Variants in DNA2 observed in about 807,000 individuals in gnomAD.
DNA2 encodes DNA replication ATP-dependent helicase/nuclease DNA2.
Under a neutral mutation model 119.1 loss-of-function variants are expected in DNA2, and 101 were observed. That is an observed-to-expected ratio of 0.85 (90% CI 0.72 to 1.00). DNA2 has a LOEUF of 1.00. DNA2 is among the 50% of genes least tolerant of loss of function. The probability of loss-of-function intolerance (pLI) is 0.00; values close to 1 mark genes in which losing one functional copy is unlikely to be tolerated. For missense variants in DNA2, 1,121 were observed against 1,255.5 expected (o/e 0.89, Z 1.62); for synonymous variants, 366 against 424.4 (o/e 0.86, Z 1.69).
At chr10:68,429,847 C>G (rs1290378933) in intron 14 of DNA2, among the ~76,000 whole-genome samples, 1 of 149,796 alleles carries the variant, frequency 6.7e-6, no homozygotes, top group East Asian at 1.9e-4. Context: ...TATTAAGTAC[C>G]ATTGTTTCTA....
chr10:68,418,821 T>C (rs1174186545), intron 19 of DNA2, among the ~76,000 whole-genome samples: 1 of 151,692 alleles, frequency 6.6e-6, no homozygotes, highest in African/African-American at 2.4e-5. Flanking sequence ...TACAGGCGCC[T>C]GCCACCACGC....
intron 6 of DNA2, among the ~76,000 whole-genome samples, chr10:68,448,734 A>G (rs2052073930): frequency 6.6e-6 from 1 of 152,200 alleles, no homozygotes; most frequent in Non-Finnish European, 1.5e-5. Context: ...CTCAATGGAA[A>G]AAGATCTTGG....
Position 68,432,480 on chromosome 10 carries a change from CAA to C in DNA2, c.1675_1676del (p.Leu559ValfsTer11). ...TTTTTTCTTCTTGGTCTAATCTGAA[CAA>C]AGTTGATTCTGGAAGGACCGACAAG... is the stretch of plus-strand genomic sequence containing the variant. The part of the protein sequence containing the change: ...RNLSVLPEST[L>X]FRLDQEEKNC... On this transcript the variant is annotated frameshift_variant, in exon 11 of 21. Coordinates refer to ENST00000358410, the MANE Select transcript of DNA2 (RefSeq NM_001080449.3). LOFTEE classifies it high-confidence loss of function. The C allele has an allele frequency of 6.4e-7, 1 of 1,572,100 alleles. No homozygotes were observed. The highest frequency in any genetic ancestry group is 8.6e-7 in the Non-Finnish European group (1 of 1,158,898).
chr10:68,443,089 A>G lies in DNA2; in HGVS notation c.1243T>C (p.Cys415Arg). 2 of 1,574,162 alleles carry G rather than the reference A, an allele frequency of 1.3e-6. No homozygotes were observed. Among genetic ancestry groups the G allele is most frequent in the Non-Finnish European group, 1.7e-6 (2 of 1,158,686 alleles). The part of the protein sequence containing the change: ...YSRAVEQQMD[C>R]SSVPIVMLPK... ...AGCATCACAATTGGGACTGAACTAC[A>G]ATCCATCTGTTGTTCAACTGCTCTA... Residue 415 changes from cysteine to arginine, a missense_variant, in exon 9 of 21, where the codon TGT becomes CGT. Transcript: ENST00000358410.
intron 8 of DNA2, among the ~76,000 whole-genome samples, chr10:68,444,453 G>A (rs1002205478): frequency 1.3e-5 from 2 of 151,258 alleles, no homozygotes; most frequent in East Asian, 1.9e-4. Flanking sequence ...AGCTGGGCGC[G>A]GTGGCTCACG....
chr10:68,465,644 C>T (rs565235971), intron 4 of DNA2, 23 bp downstream of exon 4: 3 of 1,521,358 alleles, frequency 2.0e-6, no homozygotes, highest in Non-Finnish European at 2.7e-6. Flanking sequence ...ATTATACCTG[C>T]AGTTCTTCTT....
Position 68,471,954 on chromosome 10 carries a change from C to T in DNA2, c.-90G>A. On this transcript the variant is annotated 5_prime_UTR_variant, in exon 1 of 21. Transcript: ENST00000358410. ...CTTAGAAAAGGGAAAAAGGCGCGAG[C>T]CTGCGCACCTCGCGCGCATGCGCCA... The T allele has an allele frequency of 1.2e-6, 2 of 1,612,766 alleles. No homozygotes were observed. The highest frequency in any genetic ancestry group is 3.3e-4 in the Middle Eastern group (2 of 6,048).
At chr10:68,460,711 C>T (rs1319511882) in intron 4 of DNA2, among the ~76,000 whole-genome samples, 3 of 151,950 alleles carry the variant, frequency 2.0e-5, no homozygotes, top group Non-Finnish European at 2.9e-5. Flanking sequence ...CCTGGCCTAA[C>T]ACGGTAATTT....
chr10:68,472,056 G>GAGC (rs1174810018), upstream of DNA2: 1 of 1,597,712 alleles, frequency 6.3e-7, no homozygotes. Context: ...CCCCTCACCT[G>GAGC]AGCAGCAGGG....
chr10:68,423,654 C>T (rs2051695869), intron 14 of DNA2, among the ~76,000 whole-genome samples: 1 of 152,220 alleles, frequency 6.6e-6, no homozygotes, highest in African/African-American at 2.4e-5. Flanking sequence ...GTGCCCCACA[C>T]CCCACCAGGC....
chr10:68,428,485 G>A (rs2051772947), intron 14 of DNA2, among the ~76,000 whole-genome samples: 1 of 151,734 alleles, frequency 6.6e-6, no homozygotes, highest in African/African-American at 2.4e-5. Flanking sequence ...TTATCCCAGG[G>A]AAATGAAGAC....
In DNA2 at chr10:68,443,077, G is replaced by C. The variant is rs1297442608; in HGVS notation, c.1255C>G (p.Pro419Ala). The C allele has an allele frequency of 6.3e-7, 1 of 1,580,636 alleles. No individual in the cohort carries two copies. Among genetic ancestry groups the C allele is most frequent in the Admixed American group, 1.9e-5 (1 of 53,798 alleles). ...VEQQMDCSSV[P>A]IVMLPKIEEE... ...TCTATTTTGGGCAGCATCACAATTG[G>C]GACTGAACTACAATCCATCTGTTGT... is the stretch of plus-strand genomic sequence containing the variant. Residue 419 changes from proline (P) to alanine (A), a missense_variant, in exon 9 of 21, where the codon CCA (proline) becomes GCA (alanine). Physicochemically the swap from Pro to Ala is conservative, Grantham distance 27. Coordinates refer to ENST00000358410, the MANE Select transcript of DNA2 (RefSeq NM_001080449.3).
chr10:68,428,504 C>A (rs760632339), intron 14 of DNA2, among the ~76,000 whole-genome samples: 1 of 151,944 alleles, frequency 6.6e-6, no homozygotes, highest in Non-Finnish European at 1.5e-5. Context: ...ACTTATGTTA[C>A]GCAAAAACCT....
In DNA2 at chr10:68,471,973, T is replaced by A. The variant is rs2052388364; in HGVS notation, c.-109A>T. 3 of 1,612,036 alleles carry A rather than the reference T, an allele frequency of 1.9e-6. No individual in the cohort carries two copies. Among genetic ancestry groups the A allele is most frequent in the Non-Finnish European group, 2.5e-6 (3 of 1,178,632 alleles). On this transcript the variant is annotated 5_prime_UTR_variant, in exon 1 of 21. It removes an upstream start codon present in the reference 5' UTR. Coordinates refer to ENST00000358410, the MANE Select transcript of DNA2 (RefSeq NM_001080449.3). The stretch of plus-strand genomic sequence containing the variant: ...CGCGAGCCTGCGCACCTCGCGCGCA[T>A]GCGCCAACCCGCAGATGTCCCAAAT...
Position 68,415,015 on chromosome 10 carries a change from T to C in DNA2, c.*24A>G. 6.6e-7 allele frequency: 1 copy of C among 1,526,124 alleles called. No homozygotes were observed. 94.5% of individuals were successfully genotyped at this position (1,526,124 alleles called of 1,614,324 possible). A position where few individuals can be genotyped will look rare whatever the true frequency, so the allele number is the denominator to read the frequency against. On this transcript the variant is annotated 3_prime_UTR_variant, in exon 21 of 21. Coordinates refer to ENST00000358410, the MANE Select transcript of DNA2 (RefSeq NM_001080449.3). Reference sequence around the variant, plus strand: ...AGCTAGAGGAGATACTGCCCTAGTATGAAAAGGCAAGGGAAATAGTGTTTT... The same window carrying C: ...AGCTAGAGGAGATACTGCCCTAGTACGAAAAGGCAAGGGAAATAGTGTTTT...
chr10:68,442,724 T>C (rs530391778), intron 9 of DNA2, among the ~76,000 whole-genome samples, 193 bp downstream of exon 9: 1 of 152,248 alleles, frequency 6.6e-6, no homozygotes, highest in Non-Finnish European at 1.5e-5. Context: ...CTAGCAATGA[T>C]TGCAGCACAT....
At chr10:68,427,878 A>T (rs928408466) in intron 14 of DNA2, among the ~76,000 whole-genome samples, 3 of 151,832 alleles carry the variant, frequency 2.0e-5, no homozygotes, top group African/African-American at 7.3e-5. Flanking sequence ...CTAAAAATAT[A>T]AAAAATTAGC....
rs377490625 is a variant in DNA2, at chr10:68,416,004, CCTCT to C, written c.3114+701_3114+704del. Among the ~76,000 whole-genome samples the C allele has an allele frequency of 6.7e-4, 102 of 152,176 alleles. 3 individuals carry two copies. In the East Asian group the frequency reaches 0.01, roughly 16 times the overall value. ...TAAGGCCAGGTGCAGTGGCTCACCTCCTCTCTATTAAAAATTTTAAAAAATTAGC... is the reference window on the plus strand; with the variant it reads ...TAAGGCCAGGTGCAGTGGCTCACCTCCTATTAAAAATTTTAAAAAATTAGC... On this transcript the variant is annotated intron_variant, in intron 20 of 20. Coordinates refer to ENST00000358410, the MANE Select transcript of DNA2 (RefSeq NM_001080449.3).
intron 10 of DNA2, among the ~76,000 whole-genome samples, chr10:68,434,963 A>T (rs2051868517): frequency 1.3e-5 from 2 of 152,234 alleles, no homozygotes; most frequent in Admixed American, 1.3e-4. Flanking sequence ...TATTAACTGT[A>T]AGAAATGCTG....
Sources: allele counts gnomAD v4.1 joint callset (sites outside exome capture counted in the v4.1 genomes callset), GRCh38; gene constraint gnomAD v4.1.1; transcripts MANE v1.5; gene names NCBI Gene and HGNC (gene_info 2026-07-23, HGNC 2026-07-21).